The following GRIP1 variants were observed in gnomAD, a reference collection of about 807,000 sequenced individuals.
GRIP1 encodes the protein glutamate receptor interacting protein 1, also known as glutamate receptor-interacting protein 1.
A neutral mutation model predicts 129.9 loss-of-function variants in GRIP1; 45 were observed. The observed-to-expected ratio is 0.35, with a 90% CI of 0.27 to 0.44. GRIP1 has a LOEUF of 0.44. Ranked by LOEUF, GRIP1 falls within the 20% of genes least tolerant of loss-of-function variation. The pLI, the probability that GRIP1 is intolerant of heterozygous loss-of-function variation, is 1.00. For missense variants in GRIP1, 1,196 were observed against 1,396.8 expected (o/e 0.86, Z 2.29); for synonymous variants, 530 against 520.8 (o/e 1.02, Z -0.24).
intron 1 of GRIP1, among the ~76,000 whole-genome samples, chr12:67,019,291 A>G (rs1479514736): frequency 6.6e-6 from 1 of 152,202 alleles, no homozygotes; most frequent in African/African-American, 2.4e-5. Context: ...AAACAGCCAT[A>G]GTTAGGACCT....
intron 1 of GRIP1, among the ~76,000 whole-genome samples, chr12:66,872,780 T>TGA (rs1163444358): frequency 4.6e-5 from 7 of 152,172 alleles, no homozygotes; most frequent in Middle Eastern, 3.4e-3. Context: ...AATGTCAAGT[T>TGA]TACCTTATCA....
intron 1 of GRIP1, among the ~76,000 whole-genome samples, chr12:66,899,151 C>G (rs757754374): frequency 6.6e-6 from 1 of 152,078 alleles, no homozygotes; most frequent in Non-Finnish European, 1.5e-5. Flanking sequence ...TTAATTCACC[C>G]CAGACTGAAC....
Position 66,852,576 on chromosome 12 carries a change from GTATATGTA to G in GRIP1, c.58+216466_58+216473del, listed in dbSNP as rs539396033. Among the ~76,000 whole-genome samples, 396 of 150,790 alleles carry G rather than the reference GTATATGTA, an allele frequency of 2.6e-3. 4 individuals are homozygous for G. The highest frequency in any genetic ancestry group is 9.2e-3 in the African/African-American group (379 of 41,090). On this transcript the variant is annotated intron_variant, in intron 1 of 1. Coordinates refer to the GRIP1 transcript ENST00000643019. ...TATGTATATATGTATATGCATACAG[GTATATGTA>G]TATATGTATATATGTACATATATAA...
intron 14 of GRIP1, among the ~76,000 whole-genome samples, chr12:66,422,358 C>T (rs1022683587): frequency 3.3e-5 from 5 of 152,292 alleles, no homozygotes; most frequent in East Asian, 1.9e-4. Context: ...TTTAAAACTT[C>T]ATTCAATGAT....
chr12:66,369,996 G>C (rs1372586566), intron 23 of GRIP1, among the ~76,000 whole-genome samples: 3 of 152,134 alleles, frequency 2.0e-5, no homozygotes, highest in African/African-American at 7.2e-5. Context: ...CTCTTAGTCT[G>C]TAATTCCTCC....
At chr12:66,430,523 A>C (rs1385119174) in intron 14 of GRIP1, among the ~76,000 whole-genome samples, 1 of 152,212 alleles carries the variant, frequency 6.6e-6, no homozygotes, top group African/African-American at 2.4e-5. Flanking sequence ...CATGCAAAAC[A>C]AAACACCATC....
chr12:66,964,573 C>T (rs2041969148), intron 1 of GRIP1, among the ~76,000 whole-genome samples: 1 of 152,110 alleles, frequency 6.6e-6, no homozygotes, highest in Non-Finnish European at 1.5e-5. Flanking sequence ...GGCTTTTCAC[C>T]AGGCTAACAC....
chr12:67,006,196 C>A (rs374767555), intron 1 of GRIP1, among the ~76,000 whole-genome samples: 1 of 152,120 alleles, frequency 6.6e-6, no homozygotes, highest in Admixed American at 6.6e-5. Context: ...ATACAAGCAT[C>A]AAAGGCAAGT....
At chr12:66,537,032 G>C (rs1431805058) in intron 4 of GRIP1, among the ~76,000 whole-genome samples, 3 of 152,010 alleles carry the variant, frequency 2.0e-5, no homozygotes, top group African/African-American at 4.8e-5. Context: ...ATGGACTTTG[G>C]AGTCTGGCAG....
At chr12:66,682,097 T>G (rs1158888984), upstream of GRIP1, among the ~76,000 whole-genome samples, 1 of 152,166 alleles carries the variant, frequency 6.6e-6, no homozygotes, top group Non-Finnish European at 1.5e-5. Context: ...AATCATTCTT[T>G]CTCCTCTTGT....
intron 1 of GRIP1, among the ~76,000 whole-genome samples, chr12:67,038,855 AT>A (rs1416200141): frequency 6.6e-6 from 1 of 152,204 alleles, no homozygotes; most frequent in Non-Finnish European, 1.5e-5. Flanking sequence ...TTTTAAAAAT[AT>A]GATCAATCAA....
chr12:66,621,095 T>C (rs1239922628), intron 1 of GRIP1, among the ~76,000 whole-genome samples: 2 of 152,176 alleles, frequency 1.3e-5, no homozygotes, highest in Non-Finnish European at 2.9e-5. Flanking sequence ...TTTTTTATAT[T>C]ATGGTAAAAT....
At chr12:67,033,768 A>G (rs1424302033) in intron 1 of GRIP1, among the ~76,000 whole-genome samples, 1 of 152,216 alleles carries the variant, frequency 6.6e-6, no homozygotes, top group Non-Finnish European at 1.5e-5. Flanking sequence ...TCTCATATCT[A>G]TAACACAAGC....
At chr12:66,946,395 T>C (rs1455674976) in intron 1 of GRIP1, among the ~76,000 whole-genome samples, 1 of 152,192 alleles carries the variant, frequency 6.6e-6, no homozygotes, top group African/African-American at 2.4e-5. Context: ...GTAGCAGTTG[T>C]GGTTCTAAAT....
intron 13 of GRIP1, among the ~76,000 whole-genome samples, chr12:66,442,672 C>T (rs929238614): frequency 6.6e-6 from 1 of 151,894 alleles, no homozygotes; most frequent in Non-Finnish European, 1.5e-5. Flanking sequence ...GCTGGGACTA[C>T]AGGCATGCAC....
At chr12:66,972,873 G>C (rs2137581811) in intron 1 of GRIP1, among the ~76,000 whole-genome samples, 1 of 152,292 alleles carries the variant, frequency 6.6e-6, no homozygotes, top group Middle Eastern at 3.4e-3. Context: ...ACATTATTTA[G>C]AGGAGAGCTT....
chr12:66,762,730 AT>A (rs1042960089), intron 1 of GRIP1, among the ~76,000 whole-genome samples: 6 of 152,226 alleles, frequency 3.9e-5, no homozygotes, highest in Admixed American at 1.3e-4. Context: ...GGAAACTCAT[AT>A]TTATTTAAAG....
At chr12:66,459,112 C>T (rs909235426) in intron 9 of GRIP1, among the ~76,000 whole-genome samples, 16 of 152,138 alleles carry the variant, frequency 1.1e-4, no homozygotes, top group Non-Finnish European at 2.4e-4. Context: ...GCCTGTCTTG[C>T]TCACTAAATA....
chr12:66,619,051 G>A, intron 1 of GRIP1, among the ~76,000 whole-genome samples: 1 of 152,238 alleles, frequency 6.6e-6, no homozygotes, highest in East Asian at 1.9e-4. Context: ...AAGCTTTGTT[G>A]TTGTTGTTAC....
Sources: gnomAD v4.1 joint callset for allele counts (sites outside exome capture counted in the v4.1 genomes callset) on GRCh38, gnomAD v4.1.1 for gene constraint, MANE v1.5 for transcripts, NCBI Gene and HGNC (gene_info 2026-07-23, HGNC 2026-07-21) for gene names.